IL1RAPL1: variants seen among roughly 807,000 people sequenced by gnomAD.
IL1RAPL1 encodes the protein interleukin-1 receptor accessory protein-like 1.
In IL1RAPL1, 3 loss-of-function variants were observed where a neutral mutation model predicts 48.4. That is an observed-to-expected ratio of 0.06 (90% CI 0.03 to 0.16). The LOEUF is 0.16. IL1RAPL1 is among the 10% of genes least tolerant of loss of function. IL1RAPL1 has a pLI of 1.00. For synonymous variants in IL1RAPL1, 185 were observed against 187.7 expected, an observed-to-expected ratio of 0.99 and a Z score of 0.12; for missense variants, 349 against 530.6, an observed-to-expected ratio of 0.66 and a Z score of 3.36.
At chrX:29,705,181 T>C (rs1245394771) in intron 6 of IL1RAPL1, among the ~76,000 whole-genome samples, 3 of 112,274 alleles carry the variant, frequency 2.7e-5, no homozygotes, top group Non-Finnish European at 5.6e-5. Context: ...TGAGCAACTG[T>C]GCTTTATACA....
At chrX:29,503,491 T>A (rs1473116883) in intron 5 of IL1RAPL1, among the ~76,000 whole-genome samples, 8 of 111,983 alleles carry the variant, frequency 7.1e-5, no homozygotes, top group African/African-American at 2.6e-4. Flanking sequence ...CACTTATTAC[T>A]ATGAACTTTG....
chrX:29,909,798 G>A (rs145772316), intron 6 of IL1RAPL1, among the ~76,000 whole-genome samples: 4 of 111,959 alleles, frequency 3.6e-5, no homozygotes, highest in East Asian at 5.6e-4. Flanking sequence ...AAAAGGGAAC[G>A]CTTATATACT....
At chrX:29,402,184 C>A (rs960289518) in intron 5 of IL1RAPL1, among the ~76,000 whole-genome samples, 1 of 111,736 alleles carries the variant, frequency 8.9e-6, no homozygotes, top group African/African-American at 3.3e-5. Flanking sequence ...TAGCCTCTAT[C>A]TTTTATTAGC....
At chrX:28,866,740 A>G (rs1229296235) in intron 2 of IL1RAPL1, among the ~76,000 whole-genome samples, 1 of 111,538 alleles carries the variant, frequency 9.0e-6, no homozygotes, top group East Asian at 2.8e-4. Context: ...AAAAATAAAC[A>G]CAGCAGGTTA....
At chrX:29,324,066 G>A (rs1361104702) in intron 3 of IL1RAPL1, among the ~76,000 whole-genome samples, 1 of 108,571 alleles carries the variant, frequency 9.2e-6, no homozygotes. Flanking sequence ...AAAAAGGATA[G>A]CATTTTTGGA....
intron 1 of IL1RAPL1, among the ~76,000 whole-genome samples, chrX:28,728,418 T>A (rs1337903629): frequency 8.9e-6 from 1 of 111,923 alleles, no homozygotes; most frequent in Admixed American, 9.5e-5. Context: ...AGATAACCGC[T>A]ACTCACCCAC....
intron 6 of IL1RAPL1, among the ~76,000 whole-genome samples, chrX:29,782,477 G>C (rs2147157398): frequency 9.0e-6 from 1 of 111,005 alleles, no homozygotes; most frequent in East Asian, 2.8e-4. Context: ...TTTATACTTT[G>C]TACTAAAGAT....
At chrX:29,100,255 G>A (rs947361223) in intron 2 of IL1RAPL1, among the ~76,000 whole-genome samples, 1 of 111,718 alleles carries the variant, frequency 9.0e-6, no homozygotes, top group African/African-American at 3.3e-5. Flanking sequence ...TAATATTCCA[G>A]GATTAATTGA....
chrX:28,950,989 G>C (rs1202953972), intron 2 of IL1RAPL1, among the ~76,000 whole-genome samples: 1 of 100,389 alleles, frequency 1.0e-5, no homozygotes, highest in African/African-American at 3.6e-5. Flanking sequence ...GGATGAAATT[G>C]GAAATCATCA....
intron 2 of IL1RAPL1, among the ~76,000 whole-genome samples, chrX:28,826,183 AT>A (rs1427453532): frequency 8.9e-6 from 1 of 111,978 alleles, no homozygotes; most frequent in Non-Finnish European, 1.9e-5. Context: ...TCATTCAATT[AT>A]TAAAGAAAAT....
At chrX:29,003,602 C>T in intron 2 of IL1RAPL1, among the ~76,000 whole-genome samples, 1 of 111,604 alleles carries the variant, frequency 9.0e-6, no homozygotes, top group Non-Finnish European at 1.9e-5. Context: ...AAATTTTACC[C>T]AATATATTTG....
chrX:29,486,612 C>CAAAA (rs768358495), intron 5 of IL1RAPL1, among the ~76,000 whole-genome samples: 38 of 40,901 alleles, frequency 9.3e-4, no homozygotes, highest in African/African-American at 1.5e-3. Flanking sequence ...AAGTGCTATA[C>CAAAA]AAAAAAAAAA....
rs1385422126 is a variant in IL1RAPL1 at position 29,068,277 on chromosome X, A to G, written c.83-214661A>G. The stretch of plus-strand genomic sequence containing the variant: ...AACTTTTATGCTATGCTTTTTTTCT[A>G]TTTGGTATTCATTGAGTAGCTTTTA... On this transcript the variant is annotated intron_variant, in intron 2 of 10. Transcript: ENST00000378993. Among the ~76,000 whole-genome samples the G allele has an allele frequency of 2.2e-4, 25 of 111,880 alleles. 1 individual carries two copies.
At chrX:29,180,111 A>C (rs986938320) in intron 2 of IL1RAPL1, among the ~76,000 whole-genome samples, 1 of 110,243 alleles carries the variant, frequency 9.1e-6, no homozygotes, top group African/African-American at 3.3e-5. Context: ...AGATTTCACT[A>C]ATCCTTGTAT....
chrX:29,195,183 A>G (rs774435480), intron 2 of IL1RAPL1, among the ~76,000 whole-genome samples: 16 of 112,038 alleles, frequency 1.4e-4, no homozygotes, highest in Non-Finnish European at 2.3e-4. Flanking sequence ...CTGTATGTAC[A>G]TGGTTTCTAG....
At chrX:29,467,841 T>C (rs1444703530) in intron 5 of IL1RAPL1, among the ~76,000 whole-genome samples, 3 of 111,969 alleles carry the variant, frequency 2.7e-5, no homozygotes, top group Non-Finnish European at 5.6e-5. Flanking sequence ...GCAATTCTGC[T>C]GTCTTTTATT....
At chrX:28,971,031 G>C (rs1200704157) in intron 2 of IL1RAPL1, among the ~76,000 whole-genome samples, 1 of 111,376 alleles carries the variant, frequency 9.0e-6, no homozygotes, top group Non-Finnish European at 1.9e-5. Context: ...AAAAGGGAAA[G>C]AGAAGTATAG....
chrX:29,253,923 T>G (rs1569270706), intron 2 of IL1RAPL1, among the ~76,000 whole-genome samples: 1 of 111,403 alleles, frequency 9.0e-6, no homozygotes, highest in Non-Finnish European at 1.9e-5. Flanking sequence ...TAGCCCCAAT[T>G]GAATGTATAA....
intron 8 of IL1RAPL1, among the ~76,000 whole-genome samples, chrX:29,939,586 G>A (rs1933090124): frequency 8.9e-6 from 1 of 111,945 alleles, no homozygotes; most frequent in Non-Finnish European, 1.9e-5. Context: ...ACTGTCTTGT[G>A]TGGTTCCCCA....
Sources: gnomAD v4.1 joint callset for allele counts (sites outside exome capture counted in the v4.1 genomes callset) on GRCh38, gnomAD v4.1.1 for gene constraint, MANE v1.5 for transcripts, NCBI Gene and HGNC (gene_info 2026-07-23, HGNC 2026-07-21) for gene names.